Variants in BMPR2 observed in about 807,000 individuals in gnomAD.
BMPR2 encodes bone morphogenetic protein receptor type 2, also known as bone morphogenetic protein receptor type-2.
Under a neutral mutation model 100.8 loss-of-function variants are expected in BMPR2, and 29 were observed. The observed-to-expected ratio is 0.29, with a 90% confidence interval of 0.21 to 0.39. BMPR2 has a LOEUF of 0.39. Among genes scored for constraint, BMPR2 ranks in the 10% least tolerant of loss-of-function variants. The pLI is 1.00. For missense variants in BMPR2, 1,011 were observed against 1,274.5 expected (o/e 0.79, Z 3.15); for synonymous variants, 382 against 442.3 (o/e 0.86, Z 1.71).
intron 7 of BMPR2, among the ~76,000 whole-genome samples, chr2:202,525,855 ATCTTTT>A (rs1687900058): frequency 1.9e-5 from 2 of 105,114 alleles, no homozygotes; most frequent in Non-Finnish European, 3.7e-5. Context: ...TGTTCAGAGC[ATCTTTT>A]TTTTTTTTTT....
chr2:202,441,925 C>T (rs1440403558), intron 1 of BMPR2, among the ~76,000 whole-genome samples: 2 of 148,578 alleles, frequency 1.3e-5, no homozygotes, highest in Non-Finnish European at 2.9e-5. Flanking sequence ...CCCAGCTACT[C>T]GGGAGGCTGA....
intron 3 of BMPR2, among the ~76,000 whole-genome samples, chr2:202,472,850 G>A (rs1008582910): frequency 4.6e-5 from 7 of 152,058 alleles, no homozygotes; most frequent in Non-Finnish European, 1.0e-4. Context: ...TAAGTAAAGC[G>A]CTCTAATTTG....
chr2:202,515,979 A>C (rs1687703708), intron 5 of BMPR2, among the ~76,000 whole-genome samples: 1 of 152,196 alleles, frequency 6.6e-6, no homozygotes, highest in South Asian at 2.1e-4. Context: ...TGAAAGTTTG[A>C]GAAGAGTGTG....
At chr2:202,459,114 C>A (rs12467506) in intron 1 of BMPR2, among the ~76,000 whole-genome samples, 18,982 of 152,048 alleles carry the variant, frequency 0.12, 1,259 homozygotes, top group Admixed American at 0.14. Context: ...CTAAGGTTTT[C>A]GTTTTTTGGA....
At chr2:202,479,578 A>G (rs1175287811) in intron 3 of BMPR2, among the ~76,000 whole-genome samples, 1 of 152,044 alleles carries the variant, frequency 6.6e-6, no homozygotes, top group Non-Finnish European at 1.5e-5. Flanking sequence ...CAACATTCCC[A>G]CCAGAGTGGC....
chr2:202,412,900 G>T (rs1038188769), intron 1 of BMPR2, among the ~76,000 whole-genome samples: 1 of 151,236 alleles, frequency 6.6e-6, no homozygotes, highest in African/African-American at 2.4e-5. Context: ...TTAGTTTAAT[G>T]TGTACTATAT....
intron 1 of BMPR2, among the ~76,000 whole-genome samples, chr2:202,380,052 G>A (rs1325058232): frequency 6.6e-6 from 1 of 151,836 alleles, no homozygotes; most frequent in Non-Finnish European, 1.5e-5. Context: ...TATTTTTAGT[G>A]GAGACGGGGT....
intron 1 of BMPR2, among the ~76,000 whole-genome samples, chr2:202,455,820 C>T (rs1053257655): frequency 2.6e-5 from 4 of 151,810 alleles, no homozygotes; most frequent in African/African-American, 9.7e-5. Context: ...AATCCCAGCA[C>T]TTTGGGAGGC....
At chr2:202,454,178 TC>T (rs1380923798) in intron 1 of BMPR2, among the ~76,000 whole-genome samples, 1 of 152,082 alleles carries the variant, frequency 6.6e-6, no homozygotes, top group Non-Finnish European at 1.5e-5. Context: ...CAAGTGATCC[TC>T]CCACCCCAGC....
intron 1 of BMPR2, among the ~76,000 whole-genome samples, chr2:202,456,764 C>G (rs1574458838): frequency 6.6e-6 from 1 of 152,108 alleles, no homozygotes; most frequent in African/African-American, 2.4e-5. Context: ...ATTCACCAGC[C>G]TCGGCCTCCT....
intron 9 of BMPR2, among the ~76,000 whole-genome samples, chr2:202,540,538 G>C (rs1416526327): frequency 3.9e-5 from 6 of 152,176 alleles, no homozygotes; most frequent in Non-Finnish European, 7.4e-5. Context: ...AAACTTGGGC[G>C]ATGCTGCACA....
intron 7 of BMPR2, among the ~76,000 whole-genome samples, chr2:202,530,497 C>A (rs1367005671): frequency 6.6e-6 from 1 of 151,788 alleles, no homozygotes; most frequent in East Asian, 1.9e-4. Flanking sequence ...TTCTGTATTG[C>A]CTCCTTTTAC....
At chr2:202,462,265 T>A (rs1249628100) in intron 1 of BMPR2, among the ~76,000 whole-genome samples, 1 of 150,990 alleles carries the variant, frequency 6.6e-6, no homozygotes, top group Non-Finnish European at 1.5e-5. Flanking sequence ...AGTCTTGCTC[T>A]GTCGCCCAGG....
At chr2:202,383,084 A>G (rs1226772743) in intron 1 of BMPR2, among the ~76,000 whole-genome samples, 1 of 152,242 alleles carries the variant, frequency 6.6e-6, no homozygotes, top group Non-Finnish European at 1.5e-5. Context: ...ATTAGGAACA[A>G]ACATTTCTTA....
intron 3 of BMPR2, among the ~76,000 whole-genome samples, chr2:202,485,650 G>T (rs1346987154): frequency 6.9e-6 from 1 of 145,302 alleles, no homozygotes; most frequent in Non-Finnish European, 1.5e-5. Context: ...GGGTTCAACG[G>T]ATTCTTCTGC....
chr2:202,433,499 A>G (rs1691547649), intron 1 of BMPR2, among the ~76,000 whole-genome samples: 1 of 150,762 alleles, frequency 6.6e-6, no homozygotes, highest in African/African-American at 2.5e-5. Flanking sequence ...CAAACATAAA[A>G]TTTATAGTGA....
chr2:202,407,791 T>C (rs1690933060), intron 1 of BMPR2, among the ~76,000 whole-genome samples: 1 of 152,066 alleles, frequency 6.6e-6, no homozygotes, highest in South Asian at 2.1e-4. Flanking sequence ...ATTTATACTT[T>C]ATTCTGCATA....
intron 1 of BMPR2, among the ~76,000 whole-genome samples, chr2:202,456,058 C>A (rs1218210925): frequency 1.4e-5 from 1 of 74,018 alleles, no homozygotes; most frequent in Non-Finnish European, 2.3e-5. Flanking sequence ...GGGTGAGACC[C>A]GTCTCAAAAA....
chr2:202,496,342 A>G (rs1693026956), intron 3 of BMPR2, among the ~76,000 whole-genome samples: 1 of 152,142 alleles, frequency 6.6e-6, no homozygotes, highest in South Asian at 2.1e-4. Flanking sequence ...AAAATTAGCC[A>G]GACATGGTGG....
Sources: gnomAD v4.1 joint callset for allele counts (sites outside exome capture counted in the v4.1 genomes callset) on GRCh38, gnomAD v4.1.1 for gene constraint, MANE v1.5 for transcripts, NCBI Gene and HGNC (gene_info 2026-07-23, HGNC 2026-07-21) for gene names.